JADE2: variants seen among roughly 807,000 people sequenced by gnomAD.
JADE2 encodes jade family PHD finger 2.
In JADE2, 13 loss-of-function variants were observed where a neutral mutation model predicts 85.7. That is an observed-to-expected ratio of 0.15 (90% confidence interval 0.10 to 0.24). The LOEUF is 0.24. Ranked by LOEUF, JADE2 falls within the 10% of genes least tolerant of loss-of-function variation. The probability of loss-of-function intolerance (pLI) is 1.00; values close to 1 mark genes in which losing one functional copy is unlikely to be tolerated. For synonymous variants in JADE2, 440 were observed against 456.1 expected, an observed-to-expected ratio of 0.96 and a Z score of 0.45; for missense variants, 846 against 1,115.9, an observed-to-expected ratio of 0.76 and a Z score of 3.45.
chr5:134,530,267 G>T (rs1761147803), intron 1 of JADE2, among the ~76,000 whole-genome samples: 1 of 152,276 alleles, frequency 6.6e-6, no homozygotes, highest in South Asian at 2.1e-4. Context: ...TCATTAAATT[G>T]TATTAGCATC....
At chr5:134,541,562 T>G (rs1581410635) in intron 3 of JADE2, among the ~76,000 whole-genome samples, 1 of 152,140 alleles carries the variant, frequency 6.6e-6, no homozygotes, top group African/African-American at 2.4e-5. Flanking sequence ...GTCAGGCTGG[T>G]CATGTGGTTT....
At position 134,573,685 on chromosome 5, in the gene JADE2, C is replaced by A. The variant is rs149287037; in HGVS notation, c.1475C>A (p.Thr492Lys). The change falls in exon 10 of 12, where the codon ACG becomes AAG. Residue 492 changes from threonine to lysine, a missense_variant. Transcript: ENST00000681547. ...LCYMVTRRER[T>K]KHAICKLQEQ... is the part of the protein sequence containing the mutation. ...TACATGGTGACAAGGCGCGAGAGAA[C>A]GAAACACGCCATCTGCAAACTCCAG... is the stretch of plus-strand genomic sequence containing the variant. 6.2e-7 allele frequency: 1 copy of A among 1,613,764 alleles called. No homozygotes were observed. The highest frequency in any genetic ancestry group is 1.3e-5 in the African/African-American group (1 of 75,042).
rs1342142321 is a variant in JADE2, at chr5:134,582,302, A to C, written c.*2985A>C. On this transcript the variant is annotated 3_prime_UTR_variant, in exon 12 of 12. Transcript: ENST00000681547. ...ACAGTGTGTGAGCATTTGCAATGTA[A>C]GGGCCTCAGCTTCCTTGGAGAAGCC... The C allele has an allele frequency of 6.6e-6, 1 of 152,242 alleles. No homozygotes were observed. Among genetic ancestry groups the C allele is most frequent in the Non-Finnish European group, 1.5e-5 (1 of 68,042 alleles). The allele number at this position is 152,242 out of a possible 1,614,324, so 9.4% of individuals were successfully genotyped here. A position where few individuals can be genotyped will look rare whatever the true frequency, so the allele number is the denominator to read the frequency against.
In JADE2 at chr5:134,559,115, C is replaced by G. The variant is rs117878851; in HGVS notation, c.312-715C>G. On this transcript the variant is annotated intron_variant, in intron 4 of 11. Coordinates refer to ENST00000681547, the MANE Select transcript of JADE2 (RefSeq NM_001388185.1). ...CCGGGTAACACTGTGTAGCAGGACA[C>G]TCACTGCTCACATGACATTGTATCT... 3.9e-5 allele frequency among the ~76,000 whole-genome samples: 6 copies of G among 152,312 alleles called. No individual in the cohort carries two copies. The East Asian group carries it at 1.2e-3, about 29-fold the overall frequency.
intron 4 of JADE2, among the ~76,000 whole-genome samples, chr5:134,559,559 C>T (rs905586540): frequency 2.0e-5 from 3 of 152,190 alleles, no homozygotes; most frequent in African/African-American, 4.8e-5. Context: ...AGCAAGGCTG[C>T]GGATCAGCCC....
chr5:134,527,123 C>T (rs1393013165), intron 1 of JADE2, among the ~76,000 whole-genome samples: 1 of 151,866 alleles, frequency 6.6e-6, no homozygotes. Flanking sequence ...CCCGCCCCCA[C>T]CTAGCGCTGC....
At chr5:134,555,033 C>T (rs756689993) in intron 4 of JADE2, among the ~76,000 whole-genome samples, 82 of 152,188 alleles carry the variant, frequency 5.4e-4, no homozygotes, top group Non-Finnish European at 1.0e-3. Flanking sequence ...TCAAAGGCCC[C>T]GAGAACAAGC....
chr5:134,545,598 C>T (rs1762254305), intron 3 of JADE2, among the ~76,000 whole-genome samples: 1 of 151,984 alleles, frequency 6.6e-6, no homozygotes. Context: ...AAAGAAGAGC[C>T]CTCTGTGTCT....
At chr5:134,561,543 T>C (rs1049024277) in intron 6 of JADE2, among the ~76,000 whole-genome samples, 2 of 152,080 alleles carry the variant, frequency 1.3e-5, no homozygotes, top group Non-Finnish European at 2.9e-5. Flanking sequence ...CCCAAGGCTC[T>C]AGGTCTTGAG....
chr5:134,530,752 C>T (rs1761179972), intron 1 of JADE2, among the ~76,000 whole-genome samples: 1 of 152,184 alleles, frequency 6.6e-6, no homozygotes, highest in African/African-American at 2.4e-5. Flanking sequence ...AGCCAGGAGC[C>T]CAACCAAATA....
upstream of JADE2, among the ~76,000 whole-genome samples, chr5:134,525,192 G>T (rs1185363406): frequency 6.6e-6 from 1 of 151,218 alleles, no homozygotes; most frequent in Non-Finnish European, 1.5e-5. Flanking sequence ...GTTGCGGGGG[G>T]CGCCGCCCGG....
chr5:134,573,745 A>G lies in JADE2; in HGVS notation c.1535A>G (p.Glu512Gly). The G allele has an allele frequency of 6.2e-7, 1 of 1,610,630 alleles. No individual in the cohort carries two copies. The highest frequency in any genetic ancestry group is 8.5e-7 in the Non-Finnish European group (1 of 1,176,784). Residue 512 changes from glutamate to glycine, a missense_variant, in exon 10 of 12, where the codon GAA (glutamate) becomes GGA (glycine). Physicochemically the swap from Glu to Gly is moderately conservative, Grantham distance 98. Around this residue, in one of 9 missense-constraint regions of JADE2, gnomAD observed 119 missense variants for 163.9 expected, o/e 0.73. Coordinates refer to ENST00000681547, the MANE Select transcript of JADE2 (RefSeq NM_001388185.1). ...TTCCACCTGCAGATGAAACTTATTGAACAGGATCTGTGTCGAGGTAGGCGC... is the reference window on the plus strand; with the variant it reads ...TTCCACCTGCAGATGAAACTTATTGGACAGGATCTGTGTCGAGGTAGGCGC... ...QIFHLQMKLI[E>G]QDLCRERSGR... is the part of the protein sequence containing the mutation.
At chr5:134,540,721 G>A (rs1326348767) in intron 3 of JADE2, among the ~76,000 whole-genome samples, 1 of 152,150 alleles carries the variant, frequency 6.6e-6, no homozygotes, top group Admixed American at 6.5e-5. Context: ...AAGTTGAAGT[G>A]GGATGGGGAG....
At chr5:134,528,960 T>G (rs1761054984) in intron 1 of JADE2, among the ~76,000 whole-genome samples, 1 of 152,206 alleles carries the variant, frequency 6.6e-6, no homozygotes, top group Non-Finnish European at 1.5e-5. Flanking sequence ...TTAGCTTTCA[T>G]GGACTGGTGA....
At chr5:134,577,014 G>A (rs1202969059) in intron 11 of JADE2, 118 bp downstream of exon 11, 22 of 1,237,300 alleles carry the variant, frequency 1.8e-5, no homozygotes, top group African/African-American at 6.2e-5. Flanking sequence ...GCTCAAGAGC[G>A]GTAACCAGGC....
At chr5:134,543,039 CTT>C (rs60959964) in intron 3 of JADE2, among the ~76,000 whole-genome samples, 12 of 141,172 alleles carry the variant, frequency 8.5e-5, no homozygotes, top group East Asian at 2.1e-4. Flanking sequence ...TACCTGTACT[CTT>C]TTTTTTTTTT....
chr5:134,580,433 C>CCCT lies in JADE2; in HGVS notation c.*1118_*1119insTCC, dbSNP rs1554131269. 1 of 128,862 alleles carries CCCT rather than the reference C, an allele frequency of 7.8e-6. No homozygotes were observed. The highest frequency in any genetic ancestry group is 1.7e-5 in the Non-Finnish European group (1 of 59,602). 8.0% of individuals were successfully genotyped at this position (128,862 alleles called of 1,614,324 possible). A position where few individuals can be genotyped will look rare whatever the true frequency, so the allele number is the denominator to read the frequency against. ...AACCCCTCGCACAGCCATCCCCCCC[C>CCCT]CCGTCCTGCCATCCCCCCCCGCCGT... On this transcript the variant is annotated 3_prime_UTR_variant, in exon 12 of 12. Transcript: ENST00000681547.
chr5:134,579,221 C>T lies in JADE2; in HGVS notation c.2409C>T (p.Ser803=), dbSNP rs377702719. The change falls in exon 12 of 12, where the codon AGC becomes AGT. Residue 803 remains serine (S), a synonymous_variant. Coordinates refer to ENST00000681547, the MANE Select transcript of JADE2 (RefSeq NM_001388185.1). This position sits in a 1 kb window ranked among gnomAD's most constrained non-coding sequence, Gnocchi z 4.6. ...GCTACTTCTCTGATGGGGAGATGAG[C>T]GACTCAGATGTAGAGGCCGAGGACG... The part of the protein sequence containing the change: ...TDGYFSDGEM[S]DSDVEAEDGG... 1.1e-5 allele frequency: 18 copies of T among 1,613,998 alleles called. No homozygotes were observed. Among genetic ancestry groups the T allele is most frequent in the South Asian group, 5.5e-5 (5 of 91,092 alleles).
rs1323279615 is a variant in JADE2, at chr5:134,579,161, C to T, written c.2349C>T (p.Pro783=). 6.2e-7 allele frequency: 1 copy of T among 1,614,240 alleles called. No individual in the cohort carries two copies. The highest frequency in any genetic ancestry group is 8.5e-7 in the Non-Finnish European group (1 of 1,180,042). ...MGPPSAVAER[P]KVSLHFDTET... ...CACCTTCAGCTGTGGCTGAGAGGCC[C>T]AAGGTCAGCCTGCATTTTGACACTG... Residue 783 remains proline (P), a synonymous_variant, in exon 12 of 12, where the codon CCC becomes CCT. Coordinates refer to ENST00000681547, the MANE Select transcript of JADE2 (RefSeq NM_001388185.1). This position sits in a 1 kb window ranked among gnomAD's most constrained non-coding sequence, Gnocchi z 4.6.
Sources: allele counts gnomAD v4.1 joint callset (sites outside exome capture counted in the v4.1 genomes callset), GRCh38; gene constraint gnomAD v4.1.1; regional missense constraint gnomAD v4.1.1; non-coding constraint Gnocchi (gnomAD v3.1); transcripts MANE v1.5; gene names NCBI Gene and HGNC (gene_info 2026-07-23, HGNC 2026-07-21).